GPC5: variants seen among roughly 807,000 people sequenced by gnomAD.
GPC5 encodes glypican-5.
In GPC5, 47 loss-of-function variants were observed where a neutral mutation model predicts 53.9. The observed-to-expected ratio is 0.87, with a 90% CI of 0.69 to 1.11. GPC5 has a LOEUF of 1.11. Ranked by LOEUF, GPC5 falls within the 50% of genes most tolerant of loss-of-function variation. The probability of loss-of-function intolerance (pLI) is 0.00; values close to 1 mark genes in which losing one functional copy is unlikely to be tolerated. For missense variants in GPC5, 748 were observed against 713.1 expected (o/e 1.05, Z -0.56); for synonymous variants, 286 against 263.3 (o/e 1.09, Z -0.84).
At chr13:92,470,199 T>A (rs1878854798) in intron 7 of GPC5, among the ~76,000 whole-genome samples, 1 of 152,150 alleles carries the variant, frequency 6.6e-6, no homozygotes. Flanking sequence ...CATGCACATA[T>A]AAATGGTCCC....
At chr13:92,526,717 G>T (rs989704915) in intron 7 of GPC5, among the ~76,000 whole-genome samples, 1 of 151,846 alleles carries the variant, frequency 6.6e-6, no homozygotes, top group African/African-American at 2.4e-5. Flanking sequence ...GGTTTTAGGA[G>T]ACTAGAGATA....
intron 7 of GPC5, among the ~76,000 whole-genome samples, chr13:92,229,956 TA>T (rs935881452): frequency 6.6e-6 from 1 of 152,174 alleles, no homozygotes; most frequent in African/African-American, 2.4e-5. Context: ...ATTTAATTAT[TA>T]AAATCTAATT....
chr13:92,181,208 A>G (rs1472867898), intron 7 of GPC5, among the ~76,000 whole-genome samples: 1 of 152,164 alleles, frequency 6.6e-6, no homozygotes, highest in African/African-American at 2.4e-5. Context: ...AGTCCTGACT[A>G]GAAGGAGAAA....
intron 7 of GPC5, among the ~76,000 whole-genome samples, chr13:92,741,703 A>G (rs1333990544): frequency 6.6e-6 from 1 of 152,092 alleles, no homozygotes; most frequent in Non-Finnish European, 1.5e-5. Flanking sequence ...CGTCATTTAC[A>G]TTAGGTATAT....
At position 91,701,488 on chromosome 13, in the gene GPC5, A is replaced by G. The variant is rs1054316450; in HGVS notation, c.1020+7607A>G. Among the ~76,000 whole-genome samples, 76 of 152,080 alleles carry G rather than the reference A, an allele frequency of 5.0e-4. 1 individual carries two copies. The highest frequency in any genetic ancestry group is 4.9e-3 in the Admixed American group (75 of 15,248). ...TTTCACTTAGCATAATTCCTTCTAG[A>G]TTCGTGCATGTTGCTGCAAATGACA... On this transcript the variant is annotated intron_variant, in intron 3 of 7. Coordinates refer to ENST00000377067, the MANE Select transcript of GPC5 (RefSeq NM_004466.6).
At chr13:92,316,766 A>G (rs1404191101) in intron 7 of GPC5, among the ~76,000 whole-genome samples, 1 of 152,144 alleles carries the variant, frequency 6.6e-6, no homozygotes, top group African/African-American at 2.4e-5. Context: ...TTTAAAAATA[A>G]TATTCTAAAT....
At chr13:92,021,739 G>A (rs1312711852) in intron 6 of GPC5, among the ~76,000 whole-genome samples, 4 of 151,876 alleles carry the variant, frequency 2.6e-5, no homozygotes, top group African/African-American at 9.7e-5. Context: ...TATCTATCTG[G>A]GTTTTAATAT....
chr13:91,764,497 G>A (rs915976752), intron 5 of GPC5, among the ~76,000 whole-genome samples: 3 of 152,054 alleles, frequency 2.0e-5, no homozygotes, highest in African/African-American at 7.3e-5. Context: ...ATCATGGCCA[G>A]CTGTCAGAAT....
intron 6 of GPC5, among the ~76,000 whole-genome samples, chr13:92,128,578 C>T (rs1376885530): frequency 6.6e-6 from 1 of 152,204 alleles, no homozygotes; most frequent in Non-Finnish European, 1.5e-5. Context: ...TACTTCATTA[C>T]TCTGTCAGAG....
chr13:92,372,512 A>T (rs1256369768), intron 7 of GPC5, among the ~76,000 whole-genome samples: 5 of 152,150 alleles, frequency 3.3e-5, no homozygotes, highest in Admixed American at 1.3e-4. Flanking sequence ...TTTTGAGTCA[A>T]ACTACTGCTT....
intron 7 of GPC5, among the ~76,000 whole-genome samples, chr13:92,169,492 T>C (rs1343711011): frequency 6.6e-6 from 1 of 152,224 alleles, no homozygotes; most frequent in Non-Finnish European, 1.5e-5. Flanking sequence ...AAAGACAGTG[T>C]TATAATTACT....
At chr13:91,750,415 A>G (rs1015828200) in intron 4 of GPC5, among the ~76,000 whole-genome samples, 3 of 152,154 alleles carry the variant, frequency 2.0e-5, no homozygotes, top group Non-Finnish European at 4.4e-5. Flanking sequence ...GACTGTTAAC[A>G]TCTCCCTGCA....
intron 7 of GPC5, among the ~76,000 whole-genome samples, chr13:92,705,119 T>C (rs575230296): frequency 4.6e-5 from 7 of 152,162 alleles, no homozygotes; most frequent in African/African-American, 1.7e-4. Flanking sequence ...TGAAATTAAG[T>C]GACATATCTC....
intron 7 of GPC5, among the ~76,000 whole-genome samples, chr13:92,787,667 C>CAAAAAAAAAAA (rs71202562): frequency 4.8e-4 from 27 of 56,098 alleles, no homozygotes; most frequent in Admixed American, 1.1e-3. Flanking sequence ...CTCATAGCTA[C>CAAAAAAAAAAA]AAAAAAAAAA....
At chr13:92,536,948 A>C (rs1040773649) in intron 7 of GPC5, among the ~76,000 whole-genome samples, 8 of 152,020 alleles carry the variant, frequency 5.3e-5, no homozygotes, top group African/African-American at 1.9e-4. Flanking sequence ...GCATTTTTCA[A>C]ATCTTCTGCT....
chr13:92,806,968 A>G (rs2138793597), intron 7 of GPC5, among the ~76,000 whole-genome samples: 1 of 152,242 alleles, frequency 6.6e-6, no homozygotes, highest in Middle Eastern at 3.4e-3. Flanking sequence ...TCAATTAGTA[A>G]AAACACAATA....
In GPC5 at chr13:92,350,369, G is replaced by T. The variant is rs565319064; in HGVS notation, c.1561+205380G>T. ...CACCACTCCTATTCAACATAGTATT[G>T]AAAGTCCTTACTAGAACAATTAGTC... On this transcript the variant is annotated intron_variant, in intron 7 of 7. Coordinates refer to ENST00000377067, the MANE Select transcript of GPC5 (RefSeq NM_004466.6). Among the ~76,000 whole-genome samples the T allele has an allele frequency of 1.6e-4, 24 of 152,280 alleles. No homozygotes were observed. In the South Asian group the frequency reaches 5.0e-3, roughly 32 times the overall value.
At chr13:92,164,376 G>A (rs1324415019) in intron 7 of GPC5, among the ~76,000 whole-genome samples, 3 of 152,106 alleles carry the variant, frequency 2.0e-5, no homozygotes, top group Admixed American at 6.5e-5. Flanking sequence ...CATTCCAAAC[G>A]GGAGAAATTG....
chr13:91,528,910 G>C (rs1191363020), intron 2 of GPC5, among the ~76,000 whole-genome samples: 1 of 152,122 alleles, frequency 6.6e-6, no homozygotes, highest in East Asian at 1.9e-4. Flanking sequence ...ACTATCATGA[G>C]GACAGCACAG....
Sources: gnomAD v4.1 joint callset for allele counts (sites outside exome capture counted in the v4.1 genomes callset) on GRCh38, gnomAD v4.1.1 for gene constraint, MANE v1.5 for transcripts, NCBI Gene and HGNC (gene_info 2026-07-23, HGNC 2026-07-21) for gene names.